The following PRDM16 variants were observed in gnomAD, a reference collection of about 807,000 sequenced individuals.
The protein encoded by PRDM16 is PR/SET domain 16.
A neutral mutation model predicts 110.6 loss-of-function variants in PRDM16; 23 were observed. The observed-to-expected ratio is 0.21, with a 90% CI of 0.15 to 0.29. The LOEUF is 0.29. Ranked by LOEUF, PRDM16 falls within the 10% of genes least tolerant of loss-of-function variation. The pLI is 1.00. For synonymous variants in PRDM16, 799 were observed against 781.8 expected, an observed-to-expected ratio of 1.02 and a Z score of -0.37; for missense variants, 1,615 against 1,794.3, an observed-to-expected ratio of 0.90 and a Z score of 1.81.
intron 1 of PRDM16, among the ~76,000 whole-genome samples, chr1:3,106,565 C>T (rs1436525391): frequency 6.6e-6 from 1 of 152,144 alleles, no homozygotes; most frequent in Non-Finnish European, 1.5e-5. Flanking sequence ...AAAGGCTGGA[C>T]AAGGTGGGGC....
chr1:3,185,304 T>A (rs1465782432), intron 1 of PRDM16, among the ~76,000 whole-genome samples: 1 of 152,128 alleles, frequency 6.6e-6, no homozygotes, highest in East Asian at 1.9e-4. Flanking sequence ...ACTCTCTCAT[T>A]GCTTAGTTCA....
At chr1:3,217,319 C>G (rs1639050969) in intron 2 of PRDM16, among the ~76,000 whole-genome samples, 1 of 152,254 alleles carries the variant, frequency 6.6e-6, no homozygotes, top group Non-Finnish European at 1.5e-5. Context: ...CGCACGGCAG[C>G]TTGCAGGCTG....
intron 1 of PRDM16, among the ~76,000 whole-genome samples, chr1:3,132,706 T>C (rs1298939645): frequency 2.6e-5 from 4 of 151,992 alleles, no homozygotes; most frequent in African/African-American, 7.3e-5. Flanking sequence ...CAAGAGAGAG[T>C]AGACGATTCA....
In PRDM16 at chr1:3,417,964, T is replaced by A. The variant is rs2100676259; in HGVS notation, c.2828T>A (p.Ile943Asn). 1 of 1,381,732 alleles carries A rather than the reference T, an allele frequency of 7.2e-7. No homozygotes were observed. The highest frequency in any genetic ancestry group is 4.1e-5 in the East Asian group (1 of 24,420). The allele number at this position is 1,381,732 out of a possible 1,614,324, so 85.6% of individuals were successfully genotyped here. ...CCACCCCCAACGCTCTCCGACCCCA[T>A]CCTCAGGAAGGGCAAGGAGCGATAC... ...RSPPPTLSDP[I>N]LRKGKERYTC... The change falls in exon 11 of 17, where the codon ATC becomes AAC. Residue 943 changes from isoleucine to asparagine, a missense_variant. Transcript: ENST00000270722.
Position 3,143,630 on chromosome 1 carries a change from C to T in PRDM16, c.38-42495C>T, listed in dbSNP as rs898930626. On this transcript the variant is annotated intron_variant, in intron 1 of 16. Coordinates refer to ENST00000270722, the MANE Select transcript of PRDM16 (RefSeq NM_022114.4). This position sits in a 1 kb window ranked among gnomAD's most constrained non-coding sequence, Gnocchi z 4.5. Reference sequence around the variant, plus strand: ...TAGCTGGGATTACAGGTGTGCACCACCACGCCCGGCTAATTTTTGTATTTT... The same window carrying T: ...TAGCTGGGATTACAGGTGTGCACCATCACGCCCGGCTAATTTTTGTATTTT... 6.6e-6 allele frequency among the ~76,000 whole-genome samples: 1 copy of T among 152,132 alleles called. No homozygotes were observed. The highest frequency in any genetic ancestry group is 6.5e-5 in the Admixed American group (1 of 15,274).
chr1:3,204,371 A>C (rs1638703558), intron 2 of PRDM16, among the ~76,000 whole-genome samples: 1 of 152,074 alleles, frequency 6.6e-6, no homozygotes, highest in African/African-American at 2.4e-5. Flanking sequence ...ATTGATTTGG[A>C]GGTAAAACGA....
At chr1:3,361,018 G>T (rs369876699) in intron 3 of PRDM16, among the ~76,000 whole-genome samples, 22 of 152,368 alleles carry the variant, frequency 1.4e-4, no homozygotes, top group African/African-American at 5.3e-4. Context: ...GTGCTGGAGC[G>T]AGGACACTGA....
chr1:3,194,362 C>T (rs1638400322), intron 2 of PRDM16, among the ~76,000 whole-genome samples: 1 of 152,200 alleles, frequency 6.6e-6, no homozygotes, highest in Non-Finnish European at 1.5e-5. Context: ...GCCATAAGCC[C>T]TCCTTGCTGG....
intron 1 of PRDM16, among the ~76,000 whole-genome samples, chr1:3,103,778 T>G (rs757456105): frequency 6.6e-5 from 10 of 152,158 alleles, no homozygotes; most frequent in South Asian, 2.1e-4. Flanking sequence ...GAGTGCACAA[T>G]TTTTCCCATT....
chr1:3,233,553 C>T (rs1005551114), intron 2 of PRDM16, among the ~76,000 whole-genome samples: 1 of 152,350 alleles, frequency 6.6e-6, no homozygotes. Flanking sequence ...AACCATTCCG[C>T]CAGCATCCTT....
At chr1:3,292,458 G>A (rs975147526) in intron 3 of PRDM16, among the ~76,000 whole-genome samples, 16 of 152,358 alleles carry the variant, frequency 1.1e-4, no homozygotes, top group Middle Eastern at 3.4e-3. Flanking sequence ...CACTTGAGCC[G>A]TCGCTCTCCG....
Position 3,244,722 on chromosome 1 carries a change from C to T in PRDM16, c.438+585C>T, listed in dbSNP as rs1639749367. ...AGAGGGAGAACCATGTGCAGAGAAA[C>T]ACACAGGCCCTGGGGAGGCACACAC... is the stretch of plus-strand genomic sequence containing the variant. On this transcript the variant is annotated intron_variant, in intron 3 of 16. Coordinates refer to ENST00000270722, the MANE Select transcript of PRDM16 (RefSeq NM_022114.4). The surrounding 1 kb of genome is among the most constrained non-coding windows in gnomAD (Gnocchi z 4.1). Among the ~76,000 whole-genome samples, 1 of 152,142 alleles carries T rather than the reference C, an allele frequency of 6.6e-6. No individual in the cohort carries two copies. Among genetic ancestry groups the T allele is most frequent in the Non-Finnish European group, 1.5e-5 (1 of 68,028 alleles).
chr1:3,420,711 C>T (rs1252691885), intron 12 of PRDM16, among the ~76,000 whole-genome samples: 1 of 151,572 alleles, frequency 6.6e-6, no homozygotes, highest in Non-Finnish European at 1.5e-5. Context: ...TTGAGTGAAG[C>T]GGGAAGGTGA....
chr1:3,293,988 T>C (rs1641033953), intron 3 of PRDM16, among the ~76,000 whole-genome samples: 1 of 152,190 alleles, frequency 6.6e-6, no homozygotes, highest in Admixed American at 6.5e-5. Context: ...TTCGGGTTTC[T>C]GGCTTCTCTA....
At chr1:3,090,359 C>G (rs565084190) in intron 1 of PRDM16, among the ~76,000 whole-genome samples, 2 of 152,358 alleles carry the variant, frequency 1.3e-5, no homozygotes, top group South Asian at 4.1e-4. Context: ...GAGCTGGTCT[C>G]GTGAGAAGCG....
intron 1 of PRDM16, among the ~76,000 whole-genome samples, chr1:3,123,466 C>A (rs779817552): frequency 6.6e-6 from 1 of 152,242 alleles, no homozygotes; most frequent in African/African-American, 2.4e-5. Context: ...GTGGAGCCTG[C>A]GGCCTTCCTG....
intron 2 of PRDM16, among the ~76,000 whole-genome samples, chr1:3,199,044 C>G (rs1021690800): frequency 6.6e-6 from 1 of 152,140 alleles, no homozygotes; most frequent in Admixed American, 6.5e-5. Flanking sequence ...CAAGTAGAAG[C>G]GGCCTTGTTT....
In PRDM16 at chr1:3,106,104, C is replaced by A. The variant is rs553758496; in HGVS notation, c.37+36808C>A. Among the ~76,000 whole-genome samples, 5 of 152,320 alleles carry A rather than the reference C, an allele frequency of 3.3e-5. No homozygotes were observed. The South Asian group carries it at 1.0e-3, about 32-fold the overall frequency. On this transcript the variant is annotated intron_variant, in intron 1 of 16. Coordinates refer to ENST00000270722, the MANE Select transcript of PRDM16 (RefSeq NM_022114.4). Reference sequence around the variant, plus strand: ...GTCTCACCCTCGGCCTCAAAGGATGCCAGCCCAGCTCCCCACCTAGCACAT... The same window carrying A: ...GTCTCACCCTCGGCCTCAAAGGATGACAGCCCAGCTCCCCACCTAGCACAT...
chr1:3,376,485 C>T (rs1642992134), intron 3 of PRDM16, among the ~76,000 whole-genome samples: 1 of 152,160 alleles, frequency 6.6e-6, no homozygotes, highest in African/African-American at 2.4e-5. Flanking sequence ...GACCCTGGCC[C>T]TCATCTCTCC....
Sources: allele counts gnomAD v4.1 joint callset (sites outside exome capture counted in the v4.1 genomes callset), GRCh38; gene constraint gnomAD v4.1.1; non-coding constraint Gnocchi (gnomAD v3.1); transcripts MANE v1.5; gene names NCBI Gene and HGNC (gene_info 2026-07-23, HGNC 2026-07-21).